B3GAT1: variants seen among roughly 807,000 people sequenced by gnomAD.
The protein encoded by B3GAT1 is galactosylgalactosylxylosylprotein 3-beta-glucuronosyltransferase 1.
In B3GAT1, 11 loss-of-function variants were observed where a neutral mutation model predicts 28.4. That is an observed-to-expected ratio of 0.39 (90% CI 0.24 to 0.64). The LOEUF (loss-of-function observed/expected upper bound fraction) is 0.64, where lower values mean the gene tolerates loss of function less well. Among genes scored for constraint, B3GAT1 ranks in the 30% least tolerant of loss-of-function variants. B3GAT1 has a pLI of 0.50. For missense variants in B3GAT1, 375 were observed against 491.0 expected (o/e 0.76, Z 2.23); for synonymous variants, 255 against 223.1 (o/e 1.14, Z -1.27).
chr11:134,387,128 C>CG, intron 2 of B3GAT1: 4 of 194,418 alleles, frequency 2.1e-5, no homozygotes, highest in South Asian at 1.1e-4. Flanking sequence ...CAGCTGCCGA[C>CG]AGTGCTTCGC....
intron 1 of B3GAT1, among the ~76,000 whole-genome samples, chr11:134,406,913 G>A (rs60747894): frequency 1.3e-4 from 14 of 106,200 alleles, no homozygotes; most frequent in African/African-American, 5.9e-4. Context: ...AGAACTTTCC[G>A]TGCCCAAAAC....
intron 1 of B3GAT1, among the ~76,000 whole-genome samples, chr11:134,403,995 ATATATATATATATATATATATATATAT>A (rs1944673810): frequency 1.4e-5 from 1 of 72,180 alleles, no homozygotes. Context: ...ATATATATAT[ATATATATATATATATATATATATATAT>A]ATATATATTT....
At chr11:134,407,738 A>G (rs1944762709) in intron 1 of B3GAT1, among the ~76,000 whole-genome samples, 1 of 147,518 alleles carries the variant, frequency 6.8e-6, no homozygotes, top group Non-Finnish European at 1.5e-5. Context: ...TGTAGCTGCA[A>G]AAAAAAAAAA....
chr11:134,397,863 G>T (rs1944534034), intron 1 of B3GAT1, among the ~76,000 whole-genome samples: 1 of 152,142 alleles, frequency 6.6e-6, no homozygotes, highest in Admixed American at 6.5e-5. Flanking sequence ...CTGAGTGGCA[G>T]TTAGGGGGCC....
At chr11:134,394,330 A>T (rs1944464898) in intron 1 of B3GAT1, among the ~76,000 whole-genome samples, 1 of 152,232 alleles carries the variant, frequency 6.6e-6, no homozygotes, top group Non-Finnish European at 1.5e-5. Context: ...ATGTGAGGAC[A>T]CCAAAGCTCA....
chr11:134,405,496 G>T (rs1197515236), intron 1 of B3GAT1, among the ~76,000 whole-genome samples: 1 of 152,202 alleles, frequency 6.6e-6, no homozygotes, highest in African/African-American at 2.4e-5. Flanking sequence ...TGGCCTGAAG[G>T]AGCTGACCTT....
rs1178923230 is a variant in B3GAT1 at position 134,411,963 on chromosome 11, C to T, written c.-438G>A. 1.4e-5 allele frequency: 2 copies of T among 148,040 alleles called. No homozygotes were observed. Among genetic ancestry groups the T allele is most frequent in the Non-Finnish European group, 3.0e-5 (2 of 66,350 alleles). 9.2% of individuals were successfully genotyped at this position (148,040 alleles called of 1,614,324 possible). A position where few individuals can be genotyped will look rare whatever the true frequency, so the allele number is the denominator to read the frequency against. On this transcript the variant is annotated 5_prime_UTR_variant, in exon 1 of 6. Transcript: ENST00000312527. The surrounding 1 kb of genome is among the most constrained non-coding windows in gnomAD (Gnocchi z 6.0). ...GGGCCCCCGGGGGCCACTTCATAGC[C>T]GCGGGGTCCGCGCGCCCGCCCGCCC...
At chr11:134,386,326 T>G (rs1944284780) in intron 2 of B3GAT1, 1 of 152,248 alleles carries the variant, frequency 6.6e-6, no homozygotes, top group South Asian at 2.1e-4. Flanking sequence ...GCTGCCTTCT[T>G]GTTTATCACA....
At chr11:134,398,715 C>G (rs1193426314) in intron 1 of B3GAT1, among the ~76,000 whole-genome samples, 1 of 152,188 alleles carries the variant, frequency 6.6e-6, no homozygotes, top group Non-Finnish European at 1.5e-5. Flanking sequence ...GGCCCTGGGT[C>G]CACTGCTGGC....
chr11:134,386,542 A>C (rs1055877056), intron 2 of B3GAT1: 1 of 152,228 alleles, frequency 6.6e-6, no homozygotes, highest in Non-Finnish European at 1.5e-5. Context: ...TTCTACCCCT[A>C]GTTCTTCCAC....
chr11:134,387,745 A>G lies in B3GAT1; in HGVS notation c.-86T>C. The G allele has an allele frequency of 6.3e-7, 1 of 1,578,198 alleles. No homozygotes were observed. Among genetic ancestry groups the G allele is most frequent in the Non-Finnish European group, 8.6e-7 (1 of 1,163,138 alleles). On this transcript the variant is annotated 5_prime_UTR_variant, in exon 2 of 6. Coordinates refer to ENST00000312527, the MANE Select transcript of B3GAT1 (RefSeq NM_054025.3). ...GGGCGGCCACGGGCGGCGGCAGCAC[A>G]GGGGAGAAAAGAACAGGCATGGGCC...
chr11:134,385,947 C>G (rs572276986), intron 2 of B3GAT1: 3 of 152,270 alleles, frequency 2.0e-5, no homozygotes, highest in Admixed American at 1.3e-4. Flanking sequence ...ACGTCTCCAG[C>G]GCTGGAGCTC....
intron 1 of B3GAT1, among the ~76,000 whole-genome samples, chr11:134,402,807 G>A (rs903905743): frequency 1.3e-5 from 2 of 152,076 alleles, no homozygotes. Context: ...CAGCTACTGG[G>A]GAGGCTGAGG....
At chr11:134,386,465 G>A (rs1422944279) in intron 2 of B3GAT1, 1 of 152,246 alleles carries the variant, frequency 6.6e-6, no homozygotes, top group African/African-American at 2.4e-5. Context: ...AGCCAGCTGT[G>A]GGGTGCGTGG....
In B3GAT1 at chr11:134,384,146, T is replaced by TCGG. The variant is rs1944215980; in HGVS notation, c.152_154dup (p.Ala51dup). ...GTCAGACGTGCAGTACTCCCTGGGGTCGGCGCCGGGCGGCGTTTCGCGTCG... is the reference window on the plus strand; with the variant it reads ...GTCAGACGTGCAGTACTCCCTGGGGTCGGCGGCGCCGGGCGGCGTTTCGCGTCG... On this transcript the variant is annotated inframe_insertion, in exon 3 of 6. Transcript: ENST00000312527. 1 of 1,566,404 alleles carries TCGG rather than the reference T, an allele frequency of 6.4e-7. No individual in the cohort carries two copies. Among genetic ancestry groups the TCGG allele is most frequent in the Non-Finnish European group, 8.7e-7 (1 of 1,155,774 alleles).
chr11:134,395,484 T>C (rs1944487810), intron 1 of B3GAT1, among the ~76,000 whole-genome samples: 1 of 152,070 alleles, frequency 6.6e-6, no homozygotes. Flanking sequence ...GACCGGACGA[T>C]GGTGCACAGA....
At chr11:134,398,145 CTGCTGCTTGACACCCA>C (rs1330807011) in intron 1 of B3GAT1, among the ~76,000 whole-genome samples, 1 of 152,182 alleles carries the variant, frequency 6.6e-6, no homozygotes, top group Non-Finnish European at 1.5e-5. Flanking sequence ...GGCAGCTGGC[CTGCTGCTTGACACCCA>C]TGTGCATGCG....
chr11:134,387,710 T>A lies in B3GAT1; in HGVS notation c.-51A>T. 1 of 1,611,350 alleles carries A rather than the reference T, an allele frequency of 6.2e-7. No individual in the cohort carries two copies. The highest frequency in any genetic ancestry group is 8.5e-7 in the Non-Finnish European group (1 of 1,179,040). On this transcript the variant is annotated 5_prime_UTR_variant, in exon 2 of 6. Coordinates refer to ENST00000312527, the MANE Select transcript of B3GAT1 (RefSeq NM_054025.3). Reference sequence around the variant, plus strand: ...TCCTCATTACCTGAGTGGCGGTAAGTTCAGGAGAGGGGCGGCCACGGGCGG... The same window carrying A: ...TCCTCATTACCTGAGTGGCGGTAAGATCAGGAGAGGGGCGGCCACGGGCGG...
At chr11:134,404,017 ATATATATATATATT>A (rs1944678147) in intron 1 of B3GAT1, among the ~76,000 whole-genome samples, 5 of 118,718 alleles carry the variant, frequency 4.2e-5, no homozygotes, top group East Asian at 2.9e-4. Flanking sequence ...ATATATATAT[ATATATATATATATT>A]TATTATACGT....
Sources: gnomAD v4.1 joint callset for allele counts (sites outside exome capture counted in the v4.1 genomes callset) on GRCh38, gnomAD v4.1.1 for gene constraint, Gnocchi (gnomAD v3.1) non-coding constraint, MANE v1.5 for transcripts, NCBI Gene and HGNC (gene_info 2026-07-23, HGNC 2026-07-21) for gene names.